Variants in RAB30 observed in about 807,000 individuals in gnomAD.
RAB30 encodes the protein ras-related protein Rab-30.
RAB30 carries 9 observed loss-of-function variants against 25.1 expected under a neutral mutation model. The ratio of observed to expected loss-of-function variants is 0.36; its 90% CI spans 0.22 to 0.63. The LOEUF is 0.63. RAB30 is among the 20% of genes least tolerant of loss of function. The probability of loss-of-function intolerance (pLI) is 0.69; values close to 1 mark genes in which losing one functional copy is unlikely to be tolerated. For synonymous variants in RAB30, 77 were observed against 86.4 expected (o/e 0.89, Z 0.60); for missense variants, 140 against 243.5 (o/e 0.58, Z 2.83).
At chr11:83,005,041 C>A (rs1857157572) in intron 1 of RAB30, among the ~76,000 whole-genome samples, 1 of 152,166 alleles carries the variant, frequency 6.6e-6, no homozygotes, top group Non-Finnish European at 1.5e-5. Context: ...AAACACCCAC[C>A]TGTGCTGTGG....
At chr11:83,047,697 C>T (rs748492908) in intron 1 of RAB30, among the ~76,000 whole-genome samples, 1 of 152,172 alleles carries the variant, frequency 6.6e-6, no homozygotes, top group Admixed American at 6.5e-5. Flanking sequence ...TTTAATGTTC[C>T]TCCTCTGTTC....
chr11:83,017,790 T>A (rs186637165), intron 1 of RAB30, among the ~76,000 whole-genome samples: 1 of 152,350 alleles, frequency 6.6e-6, no homozygotes, highest in East Asian at 1.9e-4. Context: ...TGATGGGCAT[T>A]TAAGCTGGTT....
chr11:83,031,602 A>G (rs1590865110), intron 1 of RAB30, among the ~76,000 whole-genome samples: 1 of 150,346 alleles, frequency 6.7e-6, no homozygotes, highest in Admixed American at 6.6e-5. Context: ...ATCTCGGCAC[A>G]CCGCAACCTC....
At chr11:83,026,463 CCT>C (rs1173004009) in intron 1 of RAB30, among the ~76,000 whole-genome samples, 2 of 151,830 alleles carry the variant, frequency 1.3e-5, no homozygotes, top group Admixed American at 6.6e-5. Context: ...GAGTACGGCA[CCT>C]CTGTCCTCAC....
intron 2 of RAB30, 88 bp from the exon 3 acceptor site, chr11:82,994,210 G>A (rs960650066): frequency 4.4e-6 from 5 of 1,135,052 alleles, no homozygotes; most frequent in Middle Eastern, 2.0e-4. Flanking sequence ...ACCCATCACC[G>A]GAGTCCTTCC....
intron 1 of RAB30, among the ~76,000 whole-genome samples, chr11:83,045,398 T>C (rs1858214024): frequency 6.6e-6 from 1 of 152,160 alleles, no homozygotes; most frequent in Non-Finnish European, 1.5e-5. Flanking sequence ...CCCAAAGTGC[T>C]AGCATTACAG....
chr11:83,043,014 G>A (rs1041877482), intron 1 of RAB30, among the ~76,000 whole-genome samples: 1 of 152,180 alleles, frequency 6.6e-6, no homozygotes. Flanking sequence ...GGACAATATG[G>A]GTATGATAGA....
intron 1 of RAB30, among the ~76,000 whole-genome samples, chr11:83,018,206 G>A (rs1457717925): frequency 6.6e-6 from 1 of 151,646 alleles, no homozygotes; most frequent in East Asian, 1.9e-4. Flanking sequence ...GGCTGAGGCA[G>A]GAGAATCACT....
At chr11:83,015,199 T>C (rs1040389678) in intron 1 of RAB30, among the ~76,000 whole-genome samples, 1 of 152,142 alleles carries the variant, frequency 6.6e-6, no homozygotes, top group Non-Finnish European at 1.5e-5. Flanking sequence ...TATGATGGTG[T>C]GGATACCAGT....
chr11:83,053,403 A>G (rs985802909), intron 1 of RAB30, among the ~76,000 whole-genome samples: 4 of 152,146 alleles, frequency 2.6e-5, no homozygotes, highest in African/African-American at 9.7e-5. Flanking sequence ...CTCCACTTCA[A>G]TTTCTTAGTA....
At chr11:83,001,989 T>A (rs995772462) in intron 1 of RAB30, among the ~76,000 whole-genome samples, 8 of 152,218 alleles carry the variant, frequency 5.3e-5, no homozygotes, top group Admixed American at 1.3e-4. Flanking sequence ...CTCATATTAT[T>A]ATCCCTAACT....
rs771042420 is a variant in RAB30, at chr11:82,975,521, G to A, written c.*6644C>T. ...TGCACACGTAGAAAGGGGAAGAAAC[G>A]CTTTTGGATGTTGGTAATTATGTAC... On this transcript the variant is annotated 3_prime_UTR_variant, in exon 5 of 5. Transcript: ENST00000527633. 2.6e-5 allele frequency: 4 copies of A among 152,032 alleles called. No individual in the cohort carries two copies. The highest frequency in any genetic ancestry group is 4.4e-5 in the Non-Finnish European group (3 of 67,992). The allele number at this position is 152,032 out of a possible 1,614,324, so 9.4% of individuals were successfully genotyped here. A position where few individuals can be genotyped will look rare whatever the true frequency, so the allele number is the denominator to read the frequency against.
chr11:83,047,601 G>A (rs1184327197), intron 1 of RAB30, among the ~76,000 whole-genome samples: 1 of 152,162 alleles, frequency 6.6e-6, no homozygotes, highest in Non-Finnish European at 1.5e-5. Flanking sequence ...ATAGAAGATA[G>A]AGCAAGGTAA....
At chr11:82,995,721 A>G (rs1477966763) in intron 2 of RAB30, among the ~76,000 whole-genome samples, 1 of 152,204 alleles carries the variant, frequency 6.6e-6, no homozygotes, top group African/African-American at 2.4e-5. Flanking sequence ...TTTTAAAGAG[A>G]ATGGTCTCAG....
rs532736733 is a variant in RAB30 at position 82,974,945 on chromosome 11, C to CTTTTTTTTTTTTTTTTTT, written c.*7219_*7220insAAAAAAAAAAAAAAAAAA. On this transcript the variant is annotated 3_prime_UTR_variant, in exon 5 of 5. Coordinates refer to ENST00000527633, the MANE Select transcript of RAB30 (RefSeq NM_001286060.2). ...TTTTGAGCAGAGTTTGTTGTTTTTTCTTTTTTTTTTTTTTTTTGCTGAAAA... is the reference window on the plus strand; with the variant it reads ...TTTTGAGCAGAGTTTGTTGTTTTTTCTTTTTTTTTTTTTTTTTTTTTTTTTTTTTTTTTTTGCTGAAAA... 7.6e-6 allele frequency: 1 copy of CTTTTTTTTTTTTTTTTTT among 130,882 alleles called. No homozygotes were observed. Among genetic ancestry groups the CTTTTTTTTTTTTTTTTTT allele is most frequent in the Non-Finnish European group, 1.6e-5 (1 of 61,910 alleles). The allele number at this position is 130,882 out of a possible 1,614,324, so 8.1% of individuals were successfully genotyped here. A position where few individuals can be genotyped will look rare whatever the true frequency, so the allele number is the denominator to read the frequency against.
chr11:82,994,168 T>C (rs778193070), intron 2 of RAB30, 46 bp from the exon 3 acceptor site: 7 of 1,510,402 alleles, frequency 4.6e-6, no homozygotes, highest in Non-Finnish European at 6.4e-6. Flanking sequence ...AATATTTCCA[T>C]TAAATGAAAT....
intron 1 of RAB30, among the ~76,000 whole-genome samples, chr11:83,020,677 C>T (rs1857552365): frequency 1.3e-5 from 2 of 152,186 alleles, no homozygotes; most frequent in Admixed American, 6.5e-5. Flanking sequence ...CCCATGGCCA[C>T]CCATGGACCA....
Position 83,071,715 on chromosome 11 carries a change from C to G in RAB30, c.-33G>C, listed in dbSNP as rs1415659207. The G allele has an allele frequency of 5.2e-6, 1 of 191,754 alleles. No homozygotes were observed. The highest frequency in any genetic ancestry group is 1.1e-5 in the Non-Finnish European group (1 of 94,752). 11.9% of individuals were successfully genotyped at this position (191,754 alleles called of 1,614,324 possible). On this transcript the variant is annotated 5_prime_UTR_variant, in exon 1 of 5. Coordinates refer to ENST00000527633, the MANE Select transcript of RAB30 (RefSeq NM_001286060.2). ...CCTGGTTTGGGATTTTTCTCCCCAC[C>G]CCAGGCATAAACAGAAATGGATGTG...
rs147458940 is a variant in RAB30, at chr11:83,003,918, T to C, written c.-8-6594A>G. On this transcript the variant is annotated intron_variant, in intron 1 of 4. Transcript: ENST00000527633. Reference sequence around the variant, plus strand: ...ACCCTCAAAATTTATTCAACATTTGTTCATATGACCCTAGATACTCAGTAA... The same window carrying C: ...ACCCTCAAAATTTATTCAACATTTGCTCATATGACCCTAGATACTCAGTAA... Among the ~76,000 whole-genome samples, 675 of 152,324 alleles carry C rather than the reference T, an allele frequency of 4.4e-3. 4 individuals are homozygous for C. The highest frequency in any genetic ancestry group is 0.013 in the African/African-American group (541 of 41,566).
Sources: allele counts gnomAD v4.1 joint callset (sites outside exome capture counted in the v4.1 genomes callset), GRCh38; gene constraint gnomAD v4.1.1; transcripts MANE v1.5; gene names NCBI Gene and HGNC (gene_info 2026-07-23, HGNC 2026-07-21).